PCDH15: variants seen among roughly 807,000 people sequenced by gnomAD.
The protein encoded by PCDH15 is protocadherin related 15.
In PCDH15, 129 loss-of-function variants were observed where a neutral mutation model predicts 178.5. The observed-to-expected ratio is 0.72, with a 90% CI of 0.63 to 0.84. The LOEUF is 0.84. Ranked by LOEUF, PCDH15 falls within the 40% of genes least tolerant of loss-of-function variation. PCDH15 has a pLI of 0.00. For missense variants in PCDH15, 2,230 were observed against 2,099.9 expected, an observed-to-expected ratio of 1.06 and a Z score of -1.21; for synonymous variants, 800 against 732.0, an observed-to-expected ratio of 1.09 and a Z score of -1.50.
At chr10:54,030,340 T>C (rs2093257036) in intron 18 of PCDH15, among the ~76,000 whole-genome samples, 1 of 150,252 alleles carries the variant, frequency 6.7e-6, no homozygotes, top group Non-Finnish European at 1.5e-5. Flanking sequence ...AATTATTATC[T>C]ATTAACTTCA....
At chr10:53,874,780 T>C (rs530197437) in intron 26 of PCDH15, among the ~76,000 whole-genome samples, 3 of 152,112 alleles carry the variant, frequency 2.0e-5, no homozygotes, top group Non-Finnish European at 4.4e-5. Flanking sequence ...CTTTAAATAT[T>C]TGAATTAGTA....
intron 2 of PCDH15, among the ~76,000 whole-genome samples, chr10:55,091,354 C>T (rs932017659): frequency 1.3e-5 from 2 of 151,864 alleles, no homozygotes; most frequent in Admixed American, 1.3e-4. Flanking sequence ...GCAAGTTTTG[C>T]ATTCTATAGA....
intron 1 of PCDH15, among the ~76,000 whole-genome samples, chr10:54,723,293 G>A (rs1941946162): frequency 6.6e-6 from 1 of 151,366 alleles, no homozygotes; most frequent in Non-Finnish European, 1.5e-5. Context: ...AAGTAAATAG[G>A]GAGGAAAGAT....
chr10:53,944,977 C>T (rs138406569), intron 23 of PCDH15, among the ~76,000 whole-genome samples: 138 of 152,234 alleles, frequency 9.1e-4, no homozygotes, highest in Middle Eastern at 3.4e-3. Context: ...CTTTCTTGGC[C>T]GTTTTAAACA....
At position 53,863,528 on chromosome 10, in the gene PCDH15, TAGAGGGTTTAAG is replaced by T. The variant is rs561465795; in HGVS notation, c.3717+3102_3717+3113del. Among the ~76,000 whole-genome samples the T allele has an allele frequency of 3.9e-3, 600 of 152,136 alleles. 2 individuals carry two copies. The highest frequency in any genetic ancestry group is 6.5e-3 in the Non-Finnish European group (443 of 67,988). ...TTTGGAGAGAAAACACTCTTATGAT[TAGAGGGTTTAAG>T]AGAGGGTTTAAGAGAGGGTTCAATA... is the stretch of plus-strand genomic sequence containing the variant. On this transcript the variant is annotated intron_variant, in intron 27 of 37. Transcript: ENST00000644397.
At chr10:54,845,388 C>T in intron 3 of PCDH15, among the ~76,000 whole-genome samples, 1 of 151,966 alleles carries the variant, frequency 6.6e-6, no homozygotes, top group Middle Eastern at 3.2e-3. Flanking sequence ...ATCCACTTCC[C>T]ATTACTTGCT....
chr10:55,514,065 A>G (rs1054237525), intron 2 of PCDH15, among the ~76,000 whole-genome samples: 1 of 152,104 alleles, frequency 6.6e-6, no homozygotes, highest in East Asian at 1.9e-4. Flanking sequence ...ATTTTTTTTT[A>G]CCCACTACCA....
At chr10:55,604,005 A>C (rs1843147761) in intron 2 of PCDH15, among the ~76,000 whole-genome samples, 1 of 114,920 alleles carries the variant, frequency 8.7e-6, no homozygotes, top group Non-Finnish European at 1.8e-5. Context: ...AACCCATCTC[A>C]CGTGCAGAGA....
chr10:55,245,051 C>T (rs1480607296), intron 1 of PCDH15, among the ~76,000 whole-genome samples: 1 of 151,922 alleles, frequency 6.6e-6, no homozygotes. Context: ...TGAGAAGTTA[C>T]TCATGCAAAA....
chr10:54,748,165 G>A (rs2060017482), intron 1 of PCDH15, among the ~76,000 whole-genome samples: 2 of 152,100 alleles, frequency 1.3e-5, no homozygotes, highest in South Asian at 4.1e-4. Flanking sequence ...CACTCAAGAC[G>A]ATCTGCTTTA....
chr10:54,673,751 T>C (rs2094724636), intron 1 of PCDH15, among the ~76,000 whole-genome samples: 1 of 152,230 alleles, frequency 6.6e-6, no homozygotes, highest in Non-Finnish European at 1.5e-5. Context: ...ATATAACTTT[T>C]AATAGTTATT....
intron 2 of PCDH15, among the ~76,000 whole-genome samples, chr10:55,396,751 C>A (rs1406225486): frequency 3.9e-5 from 6 of 152,098 alleles, no homozygotes; most frequent in Non-Finnish European, 7.4e-5. Flanking sequence ...GATTTATTTA[C>A]CCAAAGGTGG....
intron 9 of PCDH15, among the ~76,000 whole-genome samples, chr10:54,222,264 G>A (rs752372610): frequency 7.2e-5 from 11 of 152,130 alleles, no homozygotes; most frequent in South Asian, 2.1e-4. Context: ...TTTCAGTTAC[G>A]TATAGGTTTG....
chr10:54,502,408 T>C (rs889251065), intron 3 of PCDH15, among the ~76,000 whole-genome samples: 1 of 152,120 alleles, frequency 6.6e-6, no homozygotes, highest in East Asian at 1.9e-4. Flanking sequence ...CTTCCTTAAA[T>C]AGGCCAAACT....
chr10:55,257,133 A>G (rs1295638852), intron 1 of PCDH15, among the ~76,000 whole-genome samples: 1 of 152,216 alleles, frequency 6.6e-6, no homozygotes, highest in East Asian at 1.9e-4. Flanking sequence ...GTGGACCTCC[A>G]GCAAACTCCA....
At chr10:53,855,938 A>ATATATTTAT (rs1554832816) in intron 28 of PCDH15, among the ~76,000 whole-genome samples, 1 of 142,562 alleles carries the variant, frequency 7.0e-6, no homozygotes, top group Admixed American at 7.1e-5. Context: ...GTGTGTGTGT[A>ATATATTTAT]ATGAAATAGT....
chr10:53,950,655 T>C (rs2086948214), intron 23 of PCDH15, among the ~76,000 whole-genome samples: 2 of 152,218 alleles, frequency 1.3e-5, no homozygotes, highest in South Asian at 4.1e-4. Context: ...TGTGTATAAG[T>C]CTTAGTCCAT....
chr10:53,834,911 T>G (rs2077217850), intron 29 of PCDH15, among the ~76,000 whole-genome samples: 1 of 152,210 alleles, frequency 6.6e-6, no homozygotes, highest in South Asian at 2.1e-4. Flanking sequence ...GATTGTACTC[T>G]AGACAGTAGA....
At chr10:55,191,324 ATAT>A (rs1380764240) in intron 1 of PCDH15, among the ~76,000 whole-genome samples, 9 of 151,828 alleles carry the variant, frequency 5.9e-5, no homozygotes, top group African/African-American at 2.2e-4. Context: ...ATAGTTACCT[ATAT>A]TATTCACTTA....
Sources: gnomAD v4.1 joint callset for allele counts (sites outside exome capture counted in the v4.1 genomes callset) on GRCh38, gnomAD v4.1.1 for gene constraint, MANE v1.5 for transcripts, NCBI Gene and HGNC (gene_info 2026-07-23, HGNC 2026-07-21) for gene names.